The following TMEM187 variants were observed in gnomAD, a reference collection of about 807,000 sequenced individuals.
TMEM187 encodes chromosome X open reading frame 12.
A neutral mutation model predicts 11.8 loss-of-function variants in TMEM187; 14 were observed. The ratio of observed to expected loss-of-function variants is 1.18; its 90% confidence interval spans 0.78 to 1.85. The LOEUF (loss-of-function observed/expected upper bound fraction) is 1.85, where lower values mean the gene tolerates loss of function less well. Among genes scored for constraint, TMEM187 ranks in the 40% most tolerant of loss-of-function variants. The probability of loss-of-function intolerance (pLI) is 0.00; values close to 1 mark genes in which losing one functional copy is unlikely to be tolerated. For synonymous variants in TMEM187, 112 were observed against 118.5 expected, an observed-to-expected ratio of 0.95 and a Z score of 0.36; for missense variants, 227 against 243.9, an observed-to-expected ratio of 0.93 and a Z score of 0.46.
At chrX:153,973,678 C>T (rs782613426) in intron 1 of TMEM187, among the ~76,000 whole-genome samples, 1 of 94,830 alleles carries the variant, frequency 1.1e-5, no homozygotes, top group African/African-American at 4.1e-5. Context: ...AAGACCCTGT[C>T]TCAAAAACAC....
At chrX:153,974,704 G>A (rs2266889) in intron 1 of TMEM187, among the ~76,000 whole-genome samples, 2 of 112,165 alleles carry the variant, frequency 1.8e-5, no homozygotes, top group East Asian at 2.8e-4. Context: ...GGAGGAGTTC[G>A]GGTGCCCCAT....
At chrX:153,976,100 TC>T (rs1557121440) in intron 1 of TMEM187, among the ~76,000 whole-genome samples, 1 of 111,762 alleles carries the variant, frequency 8.9e-6, no homozygotes, top group African/African-American at 3.3e-5. Context: ...GACCATCCTT[TC>T]CCCAATGTAG....
chrX:153,982,252 T>G lies in TMEM187; in HGVS notation c.190T>G (p.Tyr64Asp). Residue 64 changes from tyrosine (Y) to aspartate (D), a missense_variant, in exon 2 of 2, where the codon TAC becomes GAC. Coordinates refer to ENST00000369982, the MANE Select transcript of TMEM187 (RefSeq NM_003492.3). ...GTTCAACTCACTCGTGAACATGGCC[T>G]ACACGCTGCTGGGGCTGTCGTGGCT... Reference protein sequence around the residue: ...MPFNSLVNMAYTLLGLSWLHR... With the variant: ...MPFNSLVNMADTLLGLSWLHR... The G allele has an allele frequency of 8.2e-7, 1 of 1,212,209 alleles. No homozygotes were observed. The highest frequency in any genetic ancestry group is 3.0e-5 in the East Asian group (1 of 33,878).
intron 1 of TMEM187, among the ~76,000 whole-genome samples, chrX:153,977,598 C>T (rs1286974491): frequency 4.7e-5 from 5 of 106,971 alleles, no homozygotes; most frequent in Admixed American, 1.0e-4. Flanking sequence ...CCCCACAGAG[C>T]GAGACTCTGT....
At chrX:153,975,627 GC>G (rs2065574534) in intron 1 of TMEM187, among the ~76,000 whole-genome samples, 1 of 24,110 alleles carries the variant, frequency 4.1e-5, no homozygotes, top group East Asian at 2.3e-3. Flanking sequence ...ACCACACCCA[GC>G]CTTTTTTTTT....
chrX:153,976,152 G>T (rs782060897), intron 1 of TMEM187, among the ~76,000 whole-genome samples: 1 of 111,800 alleles, frequency 8.9e-6, no homozygotes, highest in South Asian at 3.7e-4. Context: ...GCTAAGATAT[G>T]GAAGCAATCT....
intron 1 of TMEM187, among the ~76,000 whole-genome samples, chrX:153,975,091 A>C (rs73627275): frequency 0.02 from 2,186 of 111,952 alleles, 47 homozygotes; most frequent in African/African-American, 0.068. Flanking sequence ...TGGACATTGC[A>C]CCTCAAAAAT....
rs1169175741 is a variant in TMEM187, at chrX:153,972,765, T to G, written c.-309T>G. On this transcript the variant is annotated 5_prime_UTR_variant, in exon 1 of 2. Coordinates refer to ENST00000369982, the MANE Select transcript of TMEM187 (RefSeq NM_003492.3). ...CTGCGCGCAGGCGCACCGGCGCTGC[T>G]CGGATCCTCCCTTTTCGGAGATTTG... is the stretch of plus-strand genomic sequence containing the variant. The G allele has an allele frequency of 1.8e-5, 2 of 111,434 alleles. No individual in the cohort carries two copies. Among genetic ancestry groups the G allele is most frequent in the Non-Finnish European group, 3.8e-5 (2 of 52,598 alleles). The allele number at this position is 111,434 out of a possible 1,213,427, so 9.2% of individuals were successfully genotyped here.
intron 1 of TMEM187, among the ~76,000 whole-genome samples, chrX:153,976,732 A>G (rs1331019548): frequency 9.0e-6 from 1 of 111,043 alleles, no homozygotes; most frequent in African/African-American, 3.3e-5. Context: ...GCATGGTAAC[A>G]TGCCTGTGGT....
intron 1 of TMEM187, among the ~76,000 whole-genome samples, chrX:153,973,255 C>T (rs906294069): frequency 1.5e-4 from 17 of 112,636 alleles, no homozygotes; most frequent in Non-Finnish European, 3.0e-4. Context: ...TTAAAGTCGC[C>T]TCTCAACATA....
intron 1 of TMEM187, among the ~76,000 whole-genome samples, chrX:153,975,878 T>C (rs1307474180): frequency 3.0e-5 from 3 of 98,479 alleles, no homozygotes; most frequent in African/African-American, 3.8e-5. Context: ...CTCCTGACCT[T>C]AAGTGATCTG....
At chrX:153,980,426 G>A (rs925341614) in intron 1 of TMEM187, among the ~76,000 whole-genome samples, 2 of 112,118 alleles carry the variant, frequency 1.8e-5, no homozygotes, top group African/African-American at 6.5e-5. Flanking sequence ...CCCTCCTGGC[G>A]CTTCTTCCAG....
At chrX:153,977,898 G>T (rs2065583090) in intron 1 of TMEM187, among the ~76,000 whole-genome samples, 1 of 106,033 alleles carries the variant, frequency 9.4e-6, no homozygotes, top group African/African-American at 3.5e-5. Flanking sequence ...CAACAGTGCA[G>T]ACAGTGCAAG....
At chrX:153,973,618 G>T (rs1253597540) in intron 1 of TMEM187, among the ~76,000 whole-genome samples, 1 of 111,237 alleles carries the variant, frequency 9.0e-6, no homozygotes, top group Non-Finnish European at 1.9e-5. Context: ...GGGAGTTCAG[G>T]GCTGCAGTGA....
At position 153,981,997 on chromosome X, in the gene TMEM187, G is replaced by T. The variant is rs1399335541; in HGVS notation, c.-66G>T. On this transcript the variant is annotated 5_prime_UTR_variant, in exon 2 of 2. Transcript: ENST00000369982. ...TCAGCCGGGAGGCCCAGAGTGTTCTGCAGAGGCTGCGTATTGAAGGCTGCT... is the reference window on the plus strand; with the variant it reads ...TCAGCCGGGAGGCCCAGAGTGTTCTTCAGAGGCTGCGTATTGAAGGCTGCT... The T allele has an allele frequency of 2.5e-6, 3 of 1,209,764 alleles. No individual in the cohort carries two copies. The highest frequency in any genetic ancestry group is 3.4e-6 in the Non-Finnish European group (3 of 894,816).
chrX:153,979,846 C>T (rs2065592620), intron 1 of TMEM187, among the ~76,000 whole-genome samples: 1 of 104,233 alleles, frequency 9.6e-6, no homozygotes, highest in Admixed American at 1.0e-4. Flanking sequence ...ACGCCATTCT[C>T]CTGCCTCAGC....
In TMEM187 at chrX:153,982,349, A is replaced by G. The variant is rs782780301; in HGVS notation, c.287A>G (p.Tyr96Cys). The change falls in exon 2 of 2, where the codon TAT becomes TGT. Residue 96 changes from tyrosine (Y) to cysteine (C), a missense_variant. Transcript: ENST00000369982. ...GTGTTCGCAGCCATGGCCCTGCTCT[A>G]TGGCCCCGTGCAGTGGCTGCGCCTG... is the stretch of plus-strand genomic sequence containing the variant. Reference protein sequence around the residue: ...KDVFAAMALLYGPVQWLRLWT... With the variant: ...KDVFAAMALLCGPVQWLRLWT... The G allele has an allele frequency of 7.5e-6, 9 of 1,206,097 alleles. No individual in the cohort carries two copies. In the African/African-American group the frequency reaches 8.7e-5, roughly 12 times the overall value.
In TMEM187 at chrX:153,982,544, AG is replaced by A. The variant is rs782061962; in HGVS notation, c.485del (p.Gly162AlafsTer33). ...TATGGCCTCGCTCTGCTGCATCCCC[AG>A]GGCTTCGAGGTCGCACTGGGTGCTC... ...ASYGLALLHP[Q>X]GFEVALGAHV... On this transcript the variant is annotated frameshift_variant, in exon 2 of 2. Coordinates refer to ENST00000369982, the MANE Select transcript of TMEM187 (RefSeq NM_003492.3). LOFTEE classifies it high-confidence loss of function. 8.3e-6 allele frequency: 10 copies of A among 1,206,480 alleles called. No homozygotes were observed. Among genetic ancestry groups the A allele is most frequent in the Non-Finnish European group, 1.1e-6 (1 of 894,968 alleles).
chrX:153,974,399 C>T (rs782069200), intron 1 of TMEM187, among the ~76,000 whole-genome samples: 1 of 112,263 alleles, frequency 8.9e-6, no homozygotes, highest in African/African-American at 3.2e-5. Flanking sequence ...AGGAGCTGAA[C>T]GGGGAAGTGC....
Sources: gnomAD v4.1 joint callset for allele counts (sites outside exome capture counted in the v4.1 genomes callset) on GRCh38, gnomAD v4.1.1 for gene constraint, MANE v1.5 for transcripts, NCBI Gene and HGNC (gene_info 2026-07-23, HGNC 2026-07-21) for gene names.